Variants in PDE4D observed in about 807,000 individuals in gnomAD.
The protein encoded by PDE4D is 3',5'-cyclic-AMP phosphodiesterase 4D.
In PDE4D, 24 loss-of-function variants were observed where a neutral mutation model predicts 87.4. That is an observed-to-expected ratio of 0.27 (90% CI 0.20 to 0.39). The LOEUF is 0.39. Ranked by LOEUF, PDE4D falls within the 10% of genes least tolerant of loss-of-function variation. The probability of loss-of-function intolerance (pLI) is 1.00; values close to 1 mark genes in which losing one functional copy is unlikely to be tolerated. For synonymous variants in PDE4D, 384 were observed against 383.2 expected (o/e 1.00, Z -0.02); for missense variants, 714 against 1,041.0 (o/e 0.69, Z 4.32).
chr5:60,325,094 T>C (rs1436201500), intron 1 of PDE4D, among the ~76,000 whole-genome samples: 4 of 152,194 alleles, frequency 2.6e-5, no homozygotes, highest in Non-Finnish European at 4.4e-5. Flanking sequence ...ATGGATATTA[T>C]ATTCTAAGCC....
intron 1 of PDE4D, among the ~76,000 whole-genome samples, chr5:60,376,529 G>A (rs916010250): frequency 7.9e-5 from 12 of 152,156 alleles, no homozygotes; most frequent in African/African-American, 2.7e-4. Context: ...AAGCCACAGC[G>A]AATTTCCAAA....
intron 2 of PDE4D, among the ~76,000 whole-genome samples, chr5:60,104,882 T>C (rs551318884): frequency 6.6e-6 from 1 of 152,010 alleles, no homozygotes; most frequent in East Asian, 1.9e-4. Context: ...TCATCAAAGA[T>C]CAAAAGTAGA....
intron 1 of PDE4D, among the ~76,000 whole-genome samples, chr5:59,870,757 C>T (rs1747708691): frequency 6.6e-6 from 1 of 152,110 alleles, no homozygotes; most frequent in African/African-American, 2.4e-5. Flanking sequence ...GGAGATTGTA[C>T]TGAAATGTAC....
intron 3 of PDE4D, among the ~76,000 whole-genome samples, chr5:59,925,636 A>G (rs151076175): frequency 1.6e-4 from 25 of 152,324 alleles, no homozygotes; most frequent in African/African-American, 6.0e-4. Flanking sequence ...TTCGCTGATA[A>G]AGACACACAT....
intron 1 of PDE4D, among the ~76,000 whole-genome samples, chr5:60,261,754 TAA>T (rs1021553378): frequency 1.3e-5 from 2 of 152,110 alleles, no homozygotes; most frequent in African/African-American, 4.8e-5. Context: ...TAGTCAAAAA[TAA>T]AAGTCTCTTC....
intron 1 of PDE4D, among the ~76,000 whole-genome samples, chr5:59,611,383 T>A (rs1030079928): frequency 3.9e-5 from 6 of 152,190 alleles, no homozygotes; most frequent in African/African-American, 1.2e-4. Context: ...GGGTGAGGAT[T>A]TCAAAACAAG....
intron 2 of PDE4D, among the ~76,000 whole-genome samples, chr5:59,211,854 G>C (rs1048531118): frequency 6.6e-6 from 1 of 151,814 alleles, no homozygotes; most frequent in African/African-American, 2.4e-5. Flanking sequence ...TACTAGGAAG[G>C]GATTATCTTC....
intron 1 of PDE4D, among the ~76,000 whole-genome samples, chr5:60,386,069 A>C (rs1185238547): frequency 6.6e-6 from 1 of 152,228 alleles, no homozygotes; most frequent in Admixed American, 6.5e-5. Context: ...AAAAAGAGGA[A>C]AAATTAAATA....
chr5:59,944,423 A>T (rs977239729), intron 3 of PDE4D, among the ~76,000 whole-genome samples: 2 of 151,936 alleles, frequency 1.3e-5, no homozygotes, highest in African/African-American at 4.8e-5. Context: ...CCCAGTCTGT[A>T]GTGCAGTGGC....
At chr5:60,477,882 T>A (rs1748449292) in intron 1 of PDE4D, among the ~76,000 whole-genome samples, 1 of 152,150 alleles carries the variant, frequency 6.6e-6, no homozygotes, top group Non-Finnish European at 1.5e-5. Context: ...GCCAGCTAAC[T>A]CCTAATGCAT....
chr5:59,963,132 T>A (rs143549875), intron 3 of PDE4D, among the ~76,000 whole-genome samples: 9 of 152,268 alleles, frequency 5.9e-5, no homozygotes, highest in Admixed American at 3.9e-4. Flanking sequence ...ACTTACAGGT[T>A]GCTGAGGCTC....
chr5:59,702,338 G>T (rs1752696497), intron 1 of PDE4D, among the ~76,000 whole-genome samples: 1 of 152,082 alleles, frequency 6.6e-6, no homozygotes, highest in African/African-American at 2.4e-5. Flanking sequence ...ATATTAGCCA[G>T]GATGGTCTCG....
rs1441307868 is a variant in PDE4D, at chr5:59,988,561, T to C, written c.199A>G (p.Asn67Asp). 3.1e-6 allele frequency: 5 copies of C among 1,599,334 alleles called. No individual in the cohort carries two copies. The Admixed American group carries it at 5.0e-5, about 16-fold the overall frequency. Reference sequence around the variant, plus strand: ...GGGAGGCTGGTTGGTCGTTGAATGTTCTCTGATTCACTTTTCAAGTCAGCT... The same window carrying C: ...GGGAGGCTGGTTGGTCGTTGAATGTCCTCTGATTCACTTTTCAAGTCAGCT... Residue 67 changes from asparagine (N) to aspartate (D), a missense_variant, in exon 3 of 17, where the codon AAC (asparagine) becomes GAC (aspartate). Coordinates refer to the PDE4D transcript ENST00000502484.
upstream of PDE4D, among the ~76,000 whole-genome samples, chr5:59,897,574 T>C (rs1751790821): frequency 6.6e-6 from 1 of 152,100 alleles, no homozygotes; most frequent in Non-Finnish European, 1.5e-5. Context: ...TTACATTAGG[T>C]ATTTCTCCTA....
chr5:59,734,793 T>C (rs987020787), intron 1 of PDE4D, among the ~76,000 whole-genome samples: 2 of 152,148 alleles, frequency 1.3e-5, no homozygotes, highest in Non-Finnish European at 2.9e-5. Context: ...AAAAAAGCTC[T>C]CTACAACTGG....
chr5:60,144,922 T>C (rs1022184407), intron 2 of PDE4D, among the ~76,000 whole-genome samples: 3 of 152,218 alleles, frequency 2.0e-5, no homozygotes, highest in Non-Finnish European at 4.4e-5. Flanking sequence ...ACTGGAATTA[T>C]TTCAGTATTG....
intron 1 of PDE4D, among the ~76,000 whole-genome samples, chr5:60,465,573 T>TA (rs1222247516): frequency 6.6e-6 from 1 of 152,104 alleles, no homozygotes; most frequent in African/African-American, 2.4e-5. Context: ...GTCAAGCTTT[T>TA]AAAAAAAGAG....
intron 1 of PDE4D, among the ~76,000 whole-genome samples, chr5:59,235,892 AC>A (rs1392644382): frequency 2.6e-5 from 4 of 152,198 alleles, no homozygotes; most frequent in African/African-American, 9.7e-5. Context: ...GATACAGAAA[AC>A]AACTATCTGG....
At chr5:60,367,044 G>C (rs764561795) in intron 1 of PDE4D, among the ~76,000 whole-genome samples, 4 of 152,144 alleles carry the variant, frequency 2.6e-5, no homozygotes, top group African/African-American at 4.8e-5. Context: ...CTCTGTCCTG[G>C]TGAACATGCC....
Sources: allele counts gnomAD v4.1 joint callset (sites outside exome capture counted in the v4.1 genomes callset), GRCh38; gene constraint gnomAD v4.1.1; transcripts MANE v1.5; gene names NCBI Gene and HGNC (gene_info 2026-07-23, HGNC 2026-07-21).